OSBPL9: variants seen among roughly 807,000 people sequenced by gnomAD.
OSBPL9 encodes oxysterol binding protein like 9.
Under a neutral mutation model 106.6 loss-of-function variants are expected in OSBPL9, and 40 were observed. The ratio of observed to expected loss-of-function variants is 0.38; its 90% confidence interval spans 0.29 to 0.49. OSBPL9 has a LOEUF of 0.49. OSBPL9 is among the 20% of genes least tolerant of loss of function. The pLI is 0.97. For missense variants in OSBPL9, 609 were observed against 887.2 expected (o/e 0.69, Z 3.98); for synonymous variants, 269 against 295.4 (o/e 0.91, Z 0.92).
chr1:51,767,936 C>CTTTTTTTTTTTTT lies in OSBPL9; in HGVS notation c.938+1970_938+1982dup, dbSNP rs869092922. Reference sequence around the variant, plus strand: ...TATTTAAAAGAGAATTAAAGACCGTCTTTTTTTTTTTTTTTTTTTTTTTTT... The same window carrying CTTTTTTTTTTTTT: ...TATTTAAAAGAGAATTAAAGACCGTCTTTTTTTTTTTTTTTTTTTTTTTTTTTTTTTTTTTTTT... On this transcript the variant is annotated intron_variant, in intron 12 of 23. Transcript: ENST00000428468. Among the ~76,000 whole-genome samples the CTTTTTTTTTTTTT allele has an allele frequency of 5.7e-4, 37 of 65,054 alleles. 5 individuals carry two copies. The highest frequency in any genetic ancestry group is 2.2e-3 in the African/African-American group (36 of 16,732). 42.7% of individuals were successfully genotyped at this position (65,054 alleles called of 152,430 possible). A position where few individuals can be genotyped will look rare whatever the true frequency, so the allele number is the denominator to read the frequency against.
intron 2 of OSBPL9, among the ~76,000 whole-genome samples, chr1:51,655,344 G>T (rs1004172264): frequency 3.3e-5 from 5 of 152,130 alleles, no homozygotes; most frequent in Admixed American, 1.3e-4. Context: ...GCTGTCAGTT[G>T]TGTTCTGCTT....
At position 51,786,748 on chromosome 1, in the gene OSBPL9, C is replaced by T. The variant is rs1335058425; in HGVS notation, c.2000+131C>T. 1.4e-4 allele frequency: 89 copies of T among 653,508 alleles called. 1 individual carries two copies. The South Asian group carries it at 1.7e-3, about 13-fold the overall frequency. The allele number at this position is 653,508 out of a possible 1,614,324, so 40.5% of individuals were successfully genotyped here. A position where few individuals can be genotyped will look rare whatever the true frequency, so the allele number is the denominator to read the frequency against. Reference sequence around the variant, plus strand: ...TAGACCAAGTTTGAATTCCTGGGTTCGTATGTCAGAACTACCACTTACTAC... The same window carrying T: ...TAGACCAAGTTTGAATTCCTGGGTTTGTATGTCAGAACTACCACTTACTAC... On this transcript the variant is annotated intron_variant, in intron 22 of 23. Transcript: ENST00000428468.
At chr1:51,719,015 A>G (rs1292280137) in intron 4 of OSBPL9, among the ~76,000 whole-genome samples, 1 of 152,160 alleles carries the variant, frequency 6.6e-6, no homozygotes, top group Non-Finnish European at 1.5e-5. Flanking sequence ...CTTCTGTAAG[A>G]TGACTCTTTT....
the OSBPL9 span, among the ~76,000 whole-genome samples, chr1:51,547,662 G>A: frequency 6.6e-6 from 1 of 152,140 alleles, no homozygotes; most frequent in Non-Finnish European, 1.5e-5. Flanking sequence ...TGAGCAACAT[G>A]GCGAAACCCC....
At chr1:51,748,652 T>C (rs1450415621) in intron 7 of OSBPL9, among the ~76,000 whole-genome samples, 2 of 152,276 alleles carry the variant, frequency 1.3e-5, no homozygotes, top group East Asian at 3.9e-4. Flanking sequence ...TGATAAAAGG[T>C]GTCTTCCACG....
rs762141552 is a variant in OSBPL9 at position 51,729,987 on chromosome 1, C to T, written c.319-15549C>T. The T allele has an allele frequency of 1.5e-6, 2 of 1,317,054 alleles. No homozygotes were observed. The highest frequency in any genetic ancestry group is 2.0e-6 in the Non-Finnish European group (2 of 1,025,030). The allele number at this position is 1,317,054 out of a possible 1,614,324, so 81.6% of individuals were successfully genotyped here. A position where few individuals can be genotyped will look rare whatever the true frequency, so the allele number is the denominator to read the frequency against. On this transcript the variant is annotated intron_variant, in intron 4 of 23. Transcript: ENST00000428468. The surrounding 1 kb of genome is among the most constrained non-coding windows in gnomAD (Gnocchi z 5.1). Reference sequence around the variant, plus strand: ...GGGGCCTTGGCGAATGGCTTTCTTGCTGGCCACTTGCGGAGTGAGTAGACC... The same window carrying T: ...GGGGCCTTGGCGAATGGCTTTCTTGTTGGCCACTTGCGGAGTGAGTAGACC...
At chr1:51,781,410 A>G in intron 16 of OSBPL9, 75 bp downstream of exon 16, 2 of 1,399,428 alleles carry the variant, frequency 1.4e-6, no homozygotes, top group Non-Finnish European at 2.0e-6. Flanking sequence ...GGCAAATAAT[A>G]ATGATGAAAG....
At chr1:51,725,705 C>T (rs1337435848) in intron 4 of OSBPL9, among the ~76,000 whole-genome samples, 2 of 152,144 alleles carry the variant, frequency 1.3e-5, no homozygotes, top group African/African-American at 4.8e-5. Flanking sequence ...AATACTTTCT[C>T]CTACAAAGAA....
chr1:51,553,543 CA>C, the OSBPL9 span, among the ~76,000 whole-genome samples: 2 of 149,652 alleles, frequency 1.3e-5, no homozygotes, highest in Admixed American at 6.7e-5. Flanking sequence ...ACAAAACAAA[CA>C]AAAAAAAAGA....
the OSBPL9 span, among the ~76,000 whole-genome samples, chr1:51,544,035 G>A: frequency 6.6e-6 from 1 of 152,234 alleles, no homozygotes; most frequent in Admixed American, 6.5e-5. Context: ...TGTGATGAAT[G>A]CAAGAGTGAG....
chr1:51,623,523 A>G (rs1473962935), intron 1 of OSBPL9, among the ~76,000 whole-genome samples: 1 of 152,210 alleles, frequency 6.6e-6, no homozygotes, highest in Non-Finnish European at 1.5e-5. Context: ...GAGGGTTAGA[A>G]ACTGAATTAG....
intron 1 of OSBPL9, among the ~76,000 whole-genome samples, chr1:51,626,672 G>A (rs1455533311): frequency 2.0e-5 from 3 of 151,734 alleles, no homozygotes; most frequent in South Asian, 2.1e-4. Context: ...CACCACACGA[G>A]CTAATTTTTG....
chr1:51,766,433 G>C (rs1672569654), intron 12 of OSBPL9, among the ~76,000 whole-genome samples: 1 of 152,168 alleles, frequency 6.6e-6, no homozygotes. Context: ...CACTGTGCTA[G>C]GTTGATATCA....
the OSBPL9 span, among the ~76,000 whole-genome samples, chr1:51,570,750 G>C: frequency 1.3e-3 from 193 of 152,330 alleles, 1 homozygote; most frequent in African/African-American, 4.3e-3. Flanking sequence ...GGTCAAGTGA[G>C]TAAGAGATCT....
chr1:51,688,385 A>G (rs1246950800), intron 3 of OSBPL9, among the ~76,000 whole-genome samples: 2 of 152,200 alleles, frequency 1.3e-5, no homozygotes, highest in African/African-American at 4.8e-5. Flanking sequence ...TAATCTCAAT[A>G]CTATGGGAGT....
At chr1:51,657,942 C>CA (rs568971208) in intron 2 of OSBPL9, among the ~76,000 whole-genome samples, 191 of 151,202 alleles carry the variant, frequency 1.3e-3, no homozygotes, top group Non-Finnish European at 2.2e-3. Context: ...TACAAACAAA[C>CA]AAAAAAAATG....
At chr1:51,779,696 A>C (rs1370817140) in intron 15 of OSBPL9, among the ~76,000 whole-genome samples, 1 of 152,232 alleles carries the variant, frequency 6.6e-6, no homozygotes, top group African/African-American at 2.4e-5. Context: ...TCAGGAAGAA[A>C]AAAAAACAAA....
chr1:51,725,037 C>G (rs148088154), intron 4 of OSBPL9: 10 of 151,840 alleles, frequency 6.6e-5, no homozygotes, highest in African/African-American at 2.2e-4. Context: ...GTTCTTTTCT[C>G]TGTTTCTTCT....
upstream of OSBPL9, chr1:51,616,972 T>C (rs573409698): frequency 4.8e-5 from 71 of 1,473,562 alleles, no homozygotes; most frequent in African/African-American, 7.6e-4. Context: ...CGTGTTTGAC[T>C]TGATCGCTGG....
Sources: allele counts gnomAD v4.1 joint callset (sites outside exome capture counted in the v4.1 genomes callset), GRCh38; gene constraint gnomAD v4.1.1; non-coding constraint Gnocchi (gnomAD v3.1); transcripts MANE v1.5; gene names NCBI Gene and HGNC (gene_info 2026-07-23, HGNC 2026-07-21).